GKAP1: variants seen among roughly 807,000 people sequenced by gnomAD.
GKAP1 encodes G kinase-anchoring protein 1.
In GKAP1, 31 loss-of-function variants were observed where a neutral mutation model predicts 56.7. That is an observed-to-expected ratio of 0.55 (90% CI 0.41 to 0.74). The LOEUF (loss-of-function observed/expected upper bound fraction) is 0.74. GKAP1 is among the 30% of genes least tolerant of loss of function. The probability of loss-of-function intolerance (pLI) is 0.00; values close to 1 mark genes in which losing one functional copy is unlikely to be tolerated. For synonymous variants in GKAP1, 151 were observed against 138.6 expected, an observed-to-expected ratio of 1.09 and a Z score of -0.63; for missense variants, 364 against 402.3, an observed-to-expected ratio of 0.90 and a Z score of 0.82.
intron 7 of GKAP1, among the ~76,000 whole-genome samples, chr9:83,769,789 A>C (rs1348877181): frequency 6.6e-6 from 1 of 152,212 alleles, no homozygotes; most frequent in African/African-American, 2.4e-5. Context: ...GTATCGCTAG[A>C]TAATTTTCCA....
chr9:83,804,896 C>T (rs1183459123), intron 3 of GKAP1, among the ~76,000 whole-genome samples: 5 of 150,650 alleles, frequency 3.3e-5, no homozygotes, highest in Non-Finnish European at 7.4e-5. Flanking sequence ...AGGTGAGGGG[C>T]GCCTCTGCCC....
intron 7 of GKAP1, among the ~76,000 whole-genome samples, chr9:83,770,552 G>A (rs529306485): frequency 1.3e-5 from 2 of 151,022 alleles, no homozygotes; most frequent in South Asian, 2.1e-4. Flanking sequence ...TTGCTCAATC[G>A]TTTACACTGC....
At chr9:83,768,726 T>C in intron 8 of GKAP1, 92 bp downstream of exon 8, 1 of 1,054,826 alleles carries the variant, frequency 9.5e-7, no homozygotes, top group South Asian at 1.4e-5. Flanking sequence ...CTTTATACAA[T>C]CATAATTTGA....
intron 10 of GKAP1, among the ~76,000 whole-genome samples, chr9:83,746,088 G>A (rs1318773383): frequency 6.6e-6 from 1 of 152,008 alleles, no homozygotes; most frequent in African/African-American, 2.4e-5. Context: ...ACTGCGCCTG[G>A]CCTCCCCCCA....
intron 7 of GKAP1, among the ~76,000 whole-genome samples, chr9:83,775,874 C>CAAAAAAAAAAAAAAAAAAAAAAAAAAAA (rs55669011): frequency 2.3e-5 from 1 of 43,716 alleles, no homozygotes; most frequent in Admixed American, 3.0e-4. Context: ...GACTCTGTCT[C>CAAAAAAAAAAAAAAAAAAAAAAAAAAAA]AAAAAAAAAA....
intron 3 of GKAP1, among the ~76,000 whole-genome samples, chr9:83,799,993 C>T (rs1944305671): frequency 1.3e-5 from 2 of 152,040 alleles, no homozygotes. Flanking sequence ...AAATGCAAAA[C>T]AATACAGTTC....
intron 4 of GKAP1, among the ~76,000 whole-genome samples, chr9:83,791,276 G>A (rs1225606361): frequency 1.3e-5 from 2 of 152,020 alleles, no homozygotes; most frequent in Non-Finnish European, 2.9e-5. Context: ...GGTGGCGGGT[G>A]CCTGTAGTCC....
At chr9:83,792,461 A>C (rs938062049) in intron 4 of GKAP1, among the ~76,000 whole-genome samples, 2 of 152,202 alleles carry the variant, frequency 1.3e-5, no homozygotes, top group Admixed American at 6.5e-5. Context: ...TTGTAATCTC[A>C]GACAGCATAT....
intron 8 of GKAP1, 42 bp from the exon 9 acceptor site, chr9:83,753,401 G>C: frequency 8.1e-7 from 1 of 1,239,154 alleles, no homozygotes; most frequent in Non-Finnish European, 1.2e-6. Flanking sequence ...TGATTATTCC[G>C]CTAATTCTGG....
intron 12 of GKAP1, among the ~76,000 whole-genome samples, chr9:83,741,360 T>TCACA (rs35325635): frequency 0.059 from 2,867 of 48,620 alleles, 83 homozygotes; most frequent in East Asian, 0.28. Context: ...AATATATCTC[T>TCACA]CACACACACA....
chr9:83,797,052 C>T (rs925224945), intron 4 of GKAP1, among the ~76,000 whole-genome samples: 3 of 152,154 alleles, frequency 2.0e-5, no homozygotes, highest in African/African-American at 7.2e-5. Flanking sequence ...GATACAAGAT[C>T]AACTGAGATC....
At chr9:83,768,086 T>C (rs990424999) in intron 8 of GKAP1, among the ~76,000 whole-genome samples, 3 of 152,218 alleles carry the variant, frequency 2.0e-5, no homozygotes, top group Non-Finnish European at 4.4e-5. Flanking sequence ...TCATGGGCTA[T>C]AGCTTGCCCT....
At chr9:83,804,242 G>T (rs112638664) in intron 3 of GKAP1, among the ~76,000 whole-genome samples, 57,355 of 137,666 alleles carry the variant, frequency 0.42, 11,784 homozygotes, top group African/African-American at 0.57. Flanking sequence ...CCGTCCGGGA[G>T]GGAGGTGGGG....
chr9:83,753,237 C>CA (rs1171898042), intron 9 of GKAP1, 21 bp downstream of exon 9: 15 of 1,365,492 alleles, frequency 1.1e-5, no homozygotes, highest in African/African-American at 1.5e-5. Flanking sequence ...TTTTCTTTAA[C>CA]AACAGTAAAT....
At chr9:83,803,958 G>A (rs1189807579) in intron 3 of GKAP1, among the ~76,000 whole-genome samples, 8 of 145,404 alleles carry the variant, frequency 5.5e-5, no homozygotes, top group South Asian at 4.5e-4. Flanking sequence ...CCGTCTGGGA[G>A]GTGAGGAGCG....
At chr9:83,796,655 C>T (rs146789150) in intron 4 of GKAP1, among the ~76,000 whole-genome samples, 2 of 152,012 alleles carry the variant, frequency 1.3e-5, no homozygotes, top group Admixed American at 6.6e-5. Context: ...TTAGTAGAGA[C>T]GGGACTTCTC....
intron 7 of GKAP1, among the ~76,000 whole-genome samples, chr9:83,776,807 A>G (rs1400194637): frequency 6.6e-6 from 1 of 152,148 alleles, no homozygotes; most frequent in East Asian, 1.9e-4. Context: ...CACTCTGATC[A>G]TTTATCATAA....
chr9:83,798,647 G>A (rs545048196), intron 4 of GKAP1, among the ~76,000 whole-genome samples: 1 of 152,214 alleles, frequency 6.6e-6, no homozygotes, highest in South Asian at 2.1e-4. Context: ...CTGAGTAGCT[G>A]GGACCACAAG....
intron 7 of GKAP1, among the ~76,000 whole-genome samples, chr9:83,774,439 C>T (rs1286206264): frequency 2.0e-5 from 3 of 151,068 alleles, no homozygotes; most frequent in Admixed American, 6.6e-5. Flanking sequence ...CTGTCTCTAC[C>T]AAAAATACAA....
Sources: gnomAD v4.1 joint callset for allele counts (sites outside exome capture counted in the v4.1 genomes callset) on GRCh38, gnomAD v4.1.1 for gene constraint, MANE v1.5 for transcripts, NCBI Gene and HGNC (gene_info 2026-07-23, HGNC 2026-07-21) for gene names.